The following ANKS6 variants were observed in gnomAD, a reference collection of about 807,000 sequenced individuals.
ANKS6 encodes ankyrin repeat and SAM domain-containing protein 6.
A neutral mutation model predicts 77.9 loss-of-function variants in ANKS6; 47 were observed. The ratio of observed to expected loss-of-function variants is 0.60; its 90% CI spans 0.48 to 0.77. The LOEUF is 0.77. Ranked by LOEUF, ANKS6 falls within the 30% of genes least tolerant of loss-of-function variation. ANKS6 has a pLI of 0.00. For synonymous variants in ANKS6, 488 were observed against 501.7 expected (o/e 0.97, Z 0.37); for missense variants, 1,150 against 1,159.1 (o/e 0.99, Z 0.11).
chr9:98,776,890 C>G (rs1188510169), intron 8 of ANKS6, among the ~76,000 whole-genome samples: 1 of 152,238 alleles, frequency 6.6e-6, no homozygotes, highest in Non-Finnish European at 1.5e-5. Context: ...GTCCCTAACT[C>G]CAATGAGCCA....
intron 1 of ANKS6, among the ~76,000 whole-genome samples, chr9:98,792,113 A>G (rs1412973793): frequency 6.6e-6 from 1 of 151,926 alleles, no homozygotes; most frequent in Admixed American, 6.6e-5. Context: ...CTGCTTTGCC[A>G]ACCTCACTTC....
Position 98,756,251 on chromosome 9 carries a change from G to C in ANKS6, c.2326+169C>G, listed in dbSNP as rs373694325. On this transcript the variant is annotated intron_variant, in intron 12 of 14. Coordinates refer to ENST00000353234, the MANE Select transcript of ANKS6 (RefSeq NM_173551.5). ...CTTACCATACCTTTAGCATAGTGAA[G>C]ACAAAAATACAAGGTACAATCAGAG... 2.4e-4 allele frequency among the ~76,000 whole-genome samples: 36 copies of C among 152,230 alleles called. 1 individual carries two copies. The South Asian group carries it at 7.5e-3, about 32-fold the overall frequency.
chr9:98,753,100 G>T (rs1832517539), intron 12 of ANKS6, among the ~76,000 whole-genome samples: 2 of 152,008 alleles, frequency 1.3e-5, no homozygotes, highest in South Asian at 4.2e-4. Flanking sequence ...ATCTATTGCA[G>T]ATTTACTGAT....
chr9:98,762,322 T>C (rs1833062055), intron 11 of ANKS6, among the ~76,000 whole-genome samples: 1 of 152,220 alleles, frequency 6.6e-6, no homozygotes, highest in Non-Finnish European at 1.5e-5. Context: ...CTAAGAGCTT[T>C]TGTGTAGATT....
At chr9:98,792,067 C>T (rs1834931582) in intron 1 of ANKS6, among the ~76,000 whole-genome samples, 1 of 152,186 alleles carries the variant, frequency 6.6e-6, no homozygotes, top group African/African-American at 2.4e-5. Context: ...AAACCCAAAT[C>T]TGTCACTCCC....
In ANKS6 at chr9:98,770,927, G is replaced by A. The variant is rs780542355; in HGVS notation, c.1941C>T (p.Ser647=). The A allele has an allele frequency of 1.5e-5, 23 of 1,570,560 alleles. No individual in the cohort carries two copies. The East Asian group carries it at 1.9e-4, about 13-fold the overall frequency. The change falls in exon 10 of 15, where the codon AGC becomes AGT. Residue 647 remains serine, a synonymous_variant. Transcript: ENST00000353234. The part of the protein sequence containing the change: ...SSGGSSGVGV[S]RHGGELLNRS... ...GGTTAAGCAGCTCCCCACCGTGCCGGCTCACACCTACCCCACTGGAGCCGC... is the reference window on the plus strand; with the variant it reads ...GGTTAAGCAGCTCCCCACCGTGCCGACTCACACCTACCCCACTGGAGCCGC...
intron 8 of ANKS6, among the ~76,000 whole-genome samples, chr9:98,776,400 C>A (rs1365982548): frequency 7.2e-6 from 1 of 138,800 alleles, no homozygotes; most frequent in East Asian, 2.1e-4. Context: ...GCCAAAAACC[C>A]TTTTTTTTTT....
chr9:98,789,035 CTTT>C (rs111230371), intron 2 of ANKS6, among the ~76,000 whole-genome samples: 3 of 137,268 alleles, frequency 2.2e-5, no homozygotes, highest in Non-Finnish European at 4.8e-5. Flanking sequence ...TGGTGTATTT[CTTT>C]TTTTTTTTTT....
At position 98,768,151 on chromosome 9, in the gene ANKS6, C is replaced by T; in HGVS notation, c.2072G>A (p.Gly691Glu). 1 of 1,613,912 alleles carries T rather than the reference C, an allele frequency of 6.2e-7. No homozygotes were observed. The highest frequency in any genetic ancestry group is 1.3e-5 in the African/African-American group (1 of 75,058). ...QKPSHRSSPV[G>E]PAPGSSPSEL... ...AGACGGGCTGGACCCCGGTGCTGGC[C>T]CCACAGGGCTTGACCGATGGCTGGG... The change falls in exon 11 of 15, where the codon GGG becomes GAG. Residue 691 changes from glycine (G) to glutamate (E), a missense_variant. Coordinates refer to ENST00000353234, the MANE Select transcript of ANKS6 (RefSeq NM_173551.5).
chr9:98,740,362 A>G (rs1007192716), intron 14 of ANKS6, among the ~76,000 whole-genome samples: 1 of 152,230 alleles, frequency 6.6e-6, no homozygotes, highest in African/African-American at 2.4e-5. Context: ...GGAGGGTATG[A>G]CAGAGCATTG....
chr9:98,750,471 C>T (rs1832367764), intron 13 of ANKS6, among the ~76,000 whole-genome samples: 1 of 152,198 alleles, frequency 6.6e-6, no homozygotes, highest in Admixed American at 6.5e-5. Flanking sequence ...AATAATGTTG[C>T]TACAAGCATT....
chr9:98,745,869 C>T (rs577140709), intron 13 of ANKS6, among the ~76,000 whole-genome samples, 194 bp from the exon 14 acceptor site: 18 of 152,330 alleles, frequency 1.2e-4, no homozygotes, highest in African/African-American at 4.3e-4. Context: ...CTCCTCAGAT[C>T]TGGCTCTTGG....
intron 9 of ANKS6, among the ~76,000 whole-genome samples, chr9:98,771,507 T>G (rs1001936695): frequency 5.9e-5 from 9 of 152,190 alleles, no homozygotes; most frequent in Admixed American, 3.3e-4. Flanking sequence ...ACATCCTTTA[T>G]GGTGTCTTTC....
At chr9:98,739,948 G>C (rs1319823728) in intron 14 of ANKS6, among the ~76,000 whole-genome samples, 3 of 151,460 alleles carry the variant, frequency 2.0e-5, no homozygotes, top group Non-Finnish European at 4.4e-5. Context: ...GTAGAGACGG[G>C]GTTTCACCAT....
intron 1 of ANKS6, among the ~76,000 whole-genome samples, 192 bp from the exon 2 acceptor site, chr9:98,790,798 G>C (rs1424981939): frequency 6.6e-6 from 1 of 152,224 alleles, no homozygotes; most frequent in African/African-American, 2.4e-5. Context: ...TGCCCTGCCT[G>C]GGTTCAAATC....
At chr9:98,796,002 A>G in intron 1 of ANKS6, 131 bp downstream of exon 1, 1 of 900,812 alleles carries the variant, frequency 1.1e-6, no homozygotes, top group Non-Finnish European at 1.5e-6. Flanking sequence ...AAGACTACTC[A>G]AAGTTTACCA....
chr9:98,765,277 A>G (rs1046640818), intron 11 of ANKS6, among the ~76,000 whole-genome samples: 1 of 152,196 alleles, frequency 6.6e-6, no homozygotes, highest in African/African-American at 2.4e-5. Flanking sequence ...AGAGGTGGGT[A>G]AATATAAGAT....
At chr9:98,757,912 A>T (rs1217584269) in intron 11 of ANKS6, among the ~76,000 whole-genome samples, 1 of 151,684 alleles carries the variant, frequency 6.6e-6, no homozygotes, top group Admixed American at 6.6e-5. Flanking sequence ...TGGGTGACAA[A>T]GCGAGACTCT....
intron 5 of ANKS6, among the ~76,000 whole-genome samples, chr9:98,782,254 A>G (rs1374255014): frequency 6.6e-6 from 1 of 152,104 alleles, no homozygotes; most frequent in Admixed American, 6.5e-5. Flanking sequence ...TGCTGGAGGA[A>G]GTCCCCGGGG....
Sources: allele counts gnomAD v4.1 joint callset (sites outside exome capture counted in the v4.1 genomes callset), GRCh38; gene constraint gnomAD v4.1.1; transcripts MANE v1.5; gene names NCBI Gene and HGNC (gene_info 2026-07-23, HGNC 2026-07-21).